Variants in JAK2 observed in about 807,000 individuals in gnomAD.
JAK2 encodes the protein tyrosine-protein kinase JAK2.
Under a neutral mutation model 139.3 loss-of-function variants are expected in JAK2, and 86 were observed. That is an observed-to-expected ratio of 0.62 (90% CI 0.52 to 0.74). The LOEUF (loss-of-function observed/expected upper bound fraction) is 0.74, where lower values mean the gene tolerates loss of function less well. Ranked by LOEUF, JAK2 falls within the 30% of genes least tolerant of loss-of-function variation. JAK2 has a pLI of 0.00. For synonymous variants in JAK2, 490 were observed against 437.7 expected (o/e 1.12, Z -1.49); for missense variants, 1,421 against 1,360.3 (o/e 1.04, Z -0.70).
chr9:4,999,206 G>A (rs967795151), intron 2 of JAK2, among the ~76,000 whole-genome samples: 1 of 152,160 alleles, frequency 6.6e-6, no homozygotes, highest in Non-Finnish European at 1.5e-5. Flanking sequence ...TTTGACTTCG[G>A]TAGCCCTTAA....
intron 4 of JAK2, among the ~76,000 whole-genome samples, chr9:5,034,381 C>A (rs1280501761): frequency 1.3e-5 from 2 of 152,118 alleles, no homozygotes; most frequent in Non-Finnish European, 2.9e-5. Flanking sequence ...CAGCTCTGGA[C>A]CAAGCAGACC....
intron 4 of JAK2, 53 bp from the exon 5 acceptor site, chr9:5,044,350 C>T (rs925972015): frequency 6.5e-6 from 7 of 1,084,404 alleles, no homozygotes; most frequent in Admixed American, 1.7e-5. Context: ...ATAGATAGTA[C>T]GTTTGTATTT....
chr9:5,078,148 T>C (rs1041997192), intron 15 of JAK2, among the ~76,000 whole-genome samples, 158 bp from the exon 16 acceptor site: 29 of 152,204 alleles, frequency 1.9e-4, no homozygotes, highest in African/African-American at 7.0e-4. Context: ...ACAGGAAGCA[T>C]AGGAGTCATA....
At chr9:5,074,733 G>A (rs922499838) in intron 14 of JAK2, among the ~76,000 whole-genome samples, 14 of 152,076 alleles carry the variant, frequency 9.2e-5, no homozygotes, top group African/African-American at 2.7e-4. Context: ...AGATTCACCC[G>A]TCTCTCACTT....
chr9:5,117,078 C>T (rs1157268576), intron 22 of JAK2, among the ~76,000 whole-genome samples: 4 of 152,214 alleles, frequency 2.6e-5, no homozygotes, highest in African/African-American at 4.8e-5. Flanking sequence ...TGTGAGGACA[C>T]GGCATTCCTC....
intron 6 of JAK2, 101 bp downstream of exon 6, chr9:5,050,932 A>G (rs993917590): frequency 8.6e-5 from 82 of 957,022 alleles, no homozygotes; most frequent in Non-Finnish European, 1.2e-4. Context: ...ATTTTGTAAT[A>G]CTAGTTAAGT....
At position 5,127,235 on chromosome 9, in the gene JAK2, T is replaced by C. The variant is rs1171815004; in HGVS notation, c.*444T>C. On this transcript the variant is annotated 3_prime_UTR_variant, in exon 25 of 25. Coordinates refer to ENST00000381652, the MANE Select transcript of JAK2 (RefSeq NM_004972.4). ...TACACACATGAGGGCTGGTGTTCATTAATACTGTTTTCTAATTTTTCCATA... is the reference window on the plus strand; with the variant it reads ...TACACACATGAGGGCTGGTGTTCATCAATACTGTTTTCTAATTTTTCCATA... 4.3e-6 allele frequency: 1 copy of C among 232,612 alleles called. No homozygotes were observed. The highest frequency in any genetic ancestry group is 8.5e-6 in the Non-Finnish European group (1 of 117,358). The allele number at this position is 232,612 out of a possible 1,614,324, so 14.4% of individuals were successfully genotyped here.
In JAK2 at chr9:5,081,967, AG is replaced by A. The variant is rs369578391; in HGVS notation, c.2571+107del. On this transcript the variant is annotated intron_variant, in intron 19 of 24. Coordinates refer to ENST00000381652, the MANE Select transcript of JAK2 (RefSeq NM_004972.4). ...CTACAACATTTTAAGGAGTGCTTGT[AG>A]AAAAAAAAGGTTTGGTTGTCAGATG... 4 of 893,008 alleles carry A rather than the reference AG, an allele frequency of 4.5e-6. No homozygotes were observed. In the African/African-American group the frequency reaches 1.3e-4, roughly 28 times the overall value. The allele number at this position is 893,008 out of a possible 1,614,324, so 55.3% of individuals were successfully genotyped here. A position where few individuals can be genotyped will look rare whatever the true frequency, so the allele number is the denominator to read the frequency against.
At chr9:4,989,726 A>G (rs547125814) in intron 2 of JAK2, among the ~76,000 whole-genome samples, 1 of 152,330 alleles carries the variant, frequency 6.6e-6, no homozygotes, top group African/African-American at 2.4e-5. Context: ...ATAGGAAGGA[A>G]CTGGTAGAGG....
chr9:5,068,952 T>C (rs765323965), intron 10 of JAK2, 70 bp from the exon 11 acceptor site: 1 of 848,942 alleles, frequency 1.2e-6, no homozygotes, highest in Non-Finnish European at 1.8e-6. Context: ...GTGATATCAT[T>C]TTGTCAGAAT....
chr9:5,091,196 G>C, intron 22 of JAK2: 1 of 223,674 alleles, frequency 4.5e-6, no homozygotes. Context: ...GTAATTATTA[G>C]TGGTGCTGTG....
At chr9:5,089,007 T>G (rs1052629319) in intron 19 of JAK2, among the ~76,000 whole-genome samples, 1 of 152,154 alleles carries the variant, frequency 6.6e-6, no homozygotes, top group Non-Finnish European at 1.5e-5. Flanking sequence ...TAGCAAAAGG[T>G]ATTTTGTAAA....
chr9:5,020,530 G>T (rs536529846), intron 2 of JAK2, among the ~76,000 whole-genome samples: 4 of 152,266 alleles, frequency 2.6e-5, no homozygotes, highest in African/African-American at 7.2e-5. Context: ...GGAGGGTGCA[G>T]TTGCTGTCAG....
At chr9:5,034,306 C>A (rs1331850912) in intron 4 of JAK2, among the ~76,000 whole-genome samples, 1 of 151,988 alleles carries the variant, frequency 6.6e-6, no homozygotes, top group Non-Finnish European at 1.5e-5. Flanking sequence ...ACTTTAACAC[C>A]CCACTGTCAA....
At chr9:5,031,941 T>C (rs937146340) in intron 4 of JAK2, among the ~76,000 whole-genome samples, 1 of 152,156 alleles carries the variant, frequency 6.6e-6, no homozygotes, top group Admixed American at 6.5e-5. Context: ...ACACTGAGCA[T>C]GAGCCGAAGC....
At chr9:5,093,826 G>A (rs565371448) in intron 22 of JAK2, among the ~76,000 whole-genome samples, 1 of 152,240 alleles carries the variant, frequency 6.6e-6, no homozygotes, top group South Asian at 2.1e-4. Flanking sequence ...CCGCTATTAA[G>A]GGTTCATTTA....
At chr9:5,017,642 G>A (rs950409788) in intron 2 of JAK2, among the ~76,000 whole-genome samples, 1 of 151,990 alleles carries the variant, frequency 6.6e-6, no homozygotes, top group African/African-American at 2.4e-5. Context: ...TCTTATAACT[G>A]CTTTTGCTGC....
intron 7 of JAK2, 145 bp downstream of exon 7, chr9:5,055,029 G>T: frequency 3.8e-6 from 2 of 521,190 alleles, no homozygotes; most frequent in African/African-American, 1.9e-5. Flanking sequence ...AACCTATCAA[G>T]GTCATATAAT....
At chr9:5,037,786 A>G (rs1253670618) in intron 4 of JAK2, among the ~76,000 whole-genome samples, 7 of 152,186 alleles carry the variant, frequency 4.6e-5, no homozygotes, top group Non-Finnish European at 1.0e-4. Context: ...CAGCACACCA[A>G]CATGGCACAT....
Sources: gnomAD v4.1 joint callset for allele counts (sites outside exome capture counted in the v4.1 genomes callset) on GRCh38, gnomAD v4.1.1 for gene constraint, MANE v1.5 for transcripts, NCBI Gene and HGNC (gene_info 2026-07-23, HGNC 2026-07-21) for gene names.